NAPB: variants seen among roughly 807,000 people sequenced by gnomAD.
NAPB encodes beta-soluble NSF attachment protein.
A neutral mutation model predicts 44.7 loss-of-function variants in NAPB; 26 were observed. The ratio of observed to expected loss-of-function variants is 0.58; its 90% CI spans 0.43 to 0.81. The LOEUF (loss-of-function observed/expected upper bound fraction) is 0.81. NAPB is among the 30% of genes least tolerant of loss of function. The pLI is 0.00. For synonymous variants in NAPB, 120 were observed against 116.8 expected, an observed-to-expected ratio of 1.03 and a Z score of -0.18; for missense variants, 315 against 356.4, an observed-to-expected ratio of 0.88 and a Z score of 0.94.
chr20:23,417,107 G>A (rs916701671), intron 1 of NAPB, among the ~76,000 whole-genome samples: 7 of 139,332 alleles, frequency 5.0e-5, no homozygotes, highest in African/African-American at 8.3e-5. Context: ...TTTTTGAGAC[G>A]GAGTCTCGCT....
intron 7 of NAPB, among the ~76,000 whole-genome samples, chr20:23,388,906 T>C (rs1027711615): frequency 4.1e-4 from 63 of 151,954 alleles, no homozygotes; most frequent in Admixed American, 4.1e-3. Flanking sequence ...AAACTGGACT[T>C]CAAAAATATG....
rs73086777 is a variant in NAPB at position 23,405,220 on chromosome 20, C to T, written c.99-2148G>A. ...CTTGAGGGACTGAGGTTACAGTAAT[C>T]CGAGATCACACCACTGCACTCCAGC... On this transcript the variant is annotated intron_variant, in intron 1 of 10. Coordinates refer to ENST00000377026, the MANE Select transcript of NAPB (RefSeq NM_022080.3). Among the ~76,000 whole-genome samples the T allele has an allele frequency of 4.1e-3, 620 of 151,562 alleles. 8 individuals are homozygous for T. The highest frequency in any genetic ancestry group is 6.5e-3 in the Non-Finnish European group (443 of 67,884).
intron 1 of NAPB, among the ~76,000 whole-genome samples, chr20:23,413,315 A>G (rs181491288): frequency 8.5e-4 from 129 of 152,316 alleles, no homozygotes; most frequent in Non-Finnish European, 1.6e-4. Context: ...AGCCTCTTGC[A>G]ACAAAGGGGA....
chr20:23,398,854 A>AGTT (rs1984594168), intron 2 of NAPB, among the ~76,000 whole-genome samples: 1 of 90,426 alleles, frequency 1.1e-5, no homozygotes, highest in African/African-American at 4.8e-5. Context: ...CAAAAAAAAA[A>AGTT]TTTTTTTTTT....
chr20:23,403,868 C>T (rs535311203), intron 1 of NAPB, among the ~76,000 whole-genome samples: 38 of 152,316 alleles, frequency 2.5e-4, no homozygotes, highest in African/African-American at 8.9e-4. Flanking sequence ...AGTGGCACGA[C>T]ATTCTACAGC....
intron 7 of NAPB, among the ~76,000 whole-genome samples, chr20:23,387,603 TAAA>T (rs1053733552): frequency 1.3e-5 from 2 of 151,966 alleles, no homozygotes; most frequent in African/African-American, 4.8e-5. Flanking sequence ...TTAACAATCT[TAAA>T]AGGAAATTAA....
rs1982542609 is a variant in NAPB at position 23,376,664 on chromosome 20, CAG to C, written c.*710_*711del. 6.6e-6 allele frequency: 1 copy of C among 152,168 alleles called. No individual in the cohort carries two copies. Among genetic ancestry groups the C allele is most frequent in the Non-Finnish European group, 1.5e-5 (1 of 68,028 alleles). The allele number at this position is 152,168 out of a possible 1,614,324, so 9.4% of individuals were successfully genotyped here. A position where few individuals can be genotyped will look rare whatever the true frequency, so the allele number is the denominator to read the frequency against. On this transcript the variant is annotated 3_prime_UTR_variant, in exon 11 of 11. Transcript: ENST00000377026. ...AAAAAGAGAAAAATTCCATTTCTAA[CAG>C]ATCTTGTGATATGTGTGTGTGTGTA...
intron 7 of NAPB, among the ~76,000 whole-genome samples, chr20:23,385,616 G>A (rs575379240): frequency 2.0e-5 from 3 of 152,224 alleles, no homozygotes; most frequent in South Asian, 4.2e-4. Flanking sequence ...GGAGGCTGAG[G>A]CACGAAAATA....
At chr20:23,415,709 C>T (rs547920472) in intron 1 of NAPB, among the ~76,000 whole-genome samples, 16 of 152,098 alleles carry the variant, frequency 1.1e-4, no homozygotes, top group Admixed American at 2.6e-4. Context: ...CACCTGTAAT[C>T]GCAGCACTTT....
chr20:23,414,653 A>G (rs1391393310), intron 1 of NAPB, among the ~76,000 whole-genome samples: 4 of 152,250 alleles, frequency 2.6e-5, no homozygotes, highest in African/African-American at 9.6e-5. Flanking sequence ...AAATACAGAA[A>G]TAGTTAACAT....
At chr20:23,397,244 A>C (rs748482883) in intron 2 of NAPB, 56 bp from the exon 3 acceptor site, 4 of 1,559,628 alleles carry the variant, frequency 2.6e-6, no homozygotes, top group Non-Finnish European at 3.5e-6. Context: ...AGAGCAGCCC[A>C]TGCTGTAAGC....
intron 7 of NAPB, among the ~76,000 whole-genome samples, chr20:23,384,067 AT>A: frequency 1.3e-5 from 2 of 152,296 alleles, no homozygotes; most frequent in South Asian, 2.1e-4. Flanking sequence ...TTATATACGG[AT>A]TTTTTTCAAC....
At chr20:23,395,251 C>T in intron 3 of NAPB, 66 bp from the exon 4 acceptor site, 5 of 1,550,006 alleles carry the variant, frequency 3.2e-6, no homozygotes, top group Middle Eastern at 1.7e-4. Context: ...TCAGGTGAGG[C>T]TGTCTTCCTG....
chr20:23,403,932 T>A (rs1021202955), intron 1 of NAPB, among the ~76,000 whole-genome samples: 1 of 152,144 alleles, frequency 6.6e-6, no homozygotes, highest in Non-Finnish European at 1.5e-5. Context: ...GGAGGAAGCC[T>A]CAGGGTCCGG....
chr20:23,386,573 A>G (rs1189701299), intron 7 of NAPB, among the ~76,000 whole-genome samples: 2 of 152,228 alleles, frequency 1.3e-5, no homozygotes, highest in African/African-American at 4.8e-5. Flanking sequence ...GCACTTACAA[A>G]AAGTAAAGTC....
chr20:23,389,552 A>G (rs1027532809), intron 7 of NAPB, among the ~76,000 whole-genome samples: 4 of 152,242 alleles, frequency 2.6e-5, no homozygotes, highest in African/African-American at 9.6e-5. Flanking sequence ...ATTAGCCACG[A>G]AAAACAATGA....
chr20:23,403,603 C>CAAAAAAAAAAAAAAAAAA (rs200464480), intron 1 of NAPB, among the ~76,000 whole-genome samples: 2 of 121,162 alleles, frequency 1.7e-5, no homozygotes, highest in South Asian at 2.8e-4. Flanking sequence ...AACTATGTCT[C>CAAAAAAAAAAAAAAAAAA]AAAAAAAAAA....
Position 23,390,687 on chromosome 20 carries a change from C to T in NAPB, c.421-423G>A, listed in dbSNP as rs1466563414. Among the ~76,000 whole-genome samples, 4 of 152,172 alleles carry T rather than the reference C, an allele frequency of 2.6e-5. No homozygotes were observed. The South Asian group carries it at 6.2e-4, about 24-fold the overall frequency. On this transcript the variant is annotated intron_variant, in intron 5 of 10. Transcript: ENST00000377026. Reference sequence around the variant, plus strand: ...CCAGAGTGACACTGTAAGCTAGACACCAAAATGGCAGAACTGTCAGGCAGG... The same window carrying T: ...CCAGAGTGACACTGTAAGCTAGACATCAAAATGGCAGAACTGTCAGGCAGG...
chr20:23,379,998 T>TATCA, intron 8 of NAPB, 63 bp from the exon 9 acceptor site: 1 of 1,351,800 alleles, frequency 7.4e-7, no homozygotes, highest in African/African-American at 1.4e-5. Context: ...TTCAACATTC[T>TATCA]ATCAGCTTCA....
Sources: allele counts gnomAD v4.1 joint callset (sites outside exome capture counted in the v4.1 genomes callset), GRCh38; gene constraint gnomAD v4.1.1; transcripts MANE v1.5; gene names NCBI Gene and HGNC (gene_info 2026-07-23, HGNC 2026-07-21).